GALNT18: variants seen among roughly 807,000 people sequenced by gnomAD.
GALNT18 encodes the protein polypeptide N-acetylgalactosaminyltransferase 18, also known as GalNAc-transferase 18.
Under a neutral mutation model 69.5 loss-of-function variants are expected in GALNT18, and 44 were observed. That is an observed-to-expected ratio of 0.63 (90% confidence interval 0.50 to 0.81). GALNT18 has a LOEUF of 0.81. GALNT18 is among the 40% of genes least tolerant of loss of function. GALNT18 has a pLI of 0.00. For synonymous variants in GALNT18, 364 were observed against 318.2 expected (o/e 1.14, Z -1.53); for missense variants, 715 against 810.0 (o/e 0.88, Z 1.42).
rs577707795 is a variant in GALNT18 at position 11,543,073 on chromosome 11, A to T, written c.235+78286T>A. 2.6e-5 allele frequency among the ~76,000 whole-genome samples: 4 copies of T among 152,276 alleles called. No individual in the cohort carries two copies. Among genetic ancestry groups the T allele is most frequent in the Non-Finnish European group, 4.4e-5 (3 of 68,030 alleles). On this transcript the variant is annotated intron_variant, in intron 1 of 10. Coordinates refer to ENST00000227756, the MANE Select transcript of GALNT18 (RefSeq NM_198516.3). This position sits in a 1 kb window ranked among gnomAD's most constrained non-coding sequence, Gnocchi z 5.1. ...ACCAGTGTGTCTAAAGTATTTGGGAAGGATCTGGTGCATGGAAAGTGCTTG... is the reference window on the plus strand; with the variant it reads ...ACCAGTGTGTCTAAAGTATTTGGGATGGATCTGGTGCATGGAAAGTGCTTG...
At position 11,621,725 on chromosome 11, in the gene GALNT18, C is replaced by T; in HGVS notation, c.-132G>A. On this transcript the variant is annotated 5_prime_UTR_variant, in exon 1 of 11. Coordinates refer to ENST00000227756, the MANE Select transcript of GALNT18 (RefSeq NM_198516.3). This position sits in a 1 kb window ranked among gnomAD's most constrained non-coding sequence, Gnocchi z 9.3. ...TCAGCACCTGAGTCCCGAGGTTCTC[C>T]AAAGCCCGGTCCGCTGCCGGTGTAG... 1 of 663,078 alleles carries T rather than the reference C, an allele frequency of 1.5e-6. No homozygotes were observed. The highest frequency in any genetic ancestry group is 2.6e-6 in the Non-Finnish European group (1 of 391,330). 41.1% of individuals were successfully genotyped at this position (663,078 alleles called of 1,614,324 possible).
At chr11:11,326,468 G>T (rs1461947393) in intron 9 of GALNT18, among the ~76,000 whole-genome samples, 1 of 152,174 alleles carries the variant, frequency 6.6e-6, no homozygotes, top group Non-Finnish European at 1.5e-5. Context: ...TTTGTTCAAC[G>T]AACCATTTAT....
chr11:11,305,793 T>G (rs535351537), intron 9 of GALNT18, among the ~76,000 whole-genome samples: 1 of 152,334 alleles, frequency 6.6e-6, no homozygotes, highest in South Asian at 2.1e-4. Flanking sequence ...ACCATGTTTG[T>G]CTTACCCACC....
At chr11:11,566,049 C>T (rs1413221712) in intron 1 of GALNT18, among the ~76,000 whole-genome samples, 1 of 152,124 alleles carries the variant, frequency 6.6e-6, no homozygotes. Flanking sequence ...ACATAGGAAA[C>T]CTGTTGTCAT....
chr11:11,525,897 G>A (rs1194547596), intron 1 of GALNT18, among the ~76,000 whole-genome samples: 2 of 152,132 alleles, frequency 1.3e-5, no homozygotes, highest in Non-Finnish European at 2.9e-5. Flanking sequence ...GTCTCCTAAA[G>A]TGCTGGGATT....
rs1332678104 is a variant in GALNT18, at chr11:11,314,517, C to T, written c.1512+12569G>A. On this transcript the variant is annotated intron_variant, in intron 9 of 10. Transcript: ENST00000227756. This position sits in a 1 kb window ranked among gnomAD's most constrained non-coding sequence, Gnocchi z 5.2. ...TTGGCTCCCTCCCTGTCTGCCTGCT[C>T]CCCTGACCCTGAGCTGATGTGTCCA... is the stretch of plus-strand genomic sequence containing the variant. Among the ~76,000 whole-genome samples the T allele has an allele frequency of 6.6e-6, 1 of 152,158 alleles. No homozygotes were observed. The highest frequency in any genetic ancestry group is 2.4e-5 in the African/African-American group (1 of 41,436).
chr11:11,413,275 C>A lies in GALNT18; in HGVS notation c.595+19346G>T, dbSNP rs1854772861. On this transcript the variant is annotated intron_variant, in intron 3 of 10. Transcript: ENST00000227756. The surrounding 1 kb of genome is among the most constrained non-coding windows in gnomAD (Gnocchi z 4.7). ...TGGCTGCTGTGCATGCCTGAGGACC[C>A]CGGTGGGAAGCTCTTCTGCACTGAG... Among the ~76,000 whole-genome samples, 1 of 152,136 alleles carries A rather than the reference C, an allele frequency of 6.6e-6. No homozygotes were observed. The highest frequency in any genetic ancestry group is 2.4e-5 in the African/African-American group (1 of 41,412).
intron 1 of GALNT18, among the ~76,000 whole-genome samples, chr11:11,559,491 C>T (rs1858413431): frequency 6.6e-6 from 1 of 152,160 alleles, no homozygotes; most frequent in Non-Finnish European, 1.5e-5. Flanking sequence ...TCTACAATCT[C>T]ATGAGTGTTT....
rs1396368535 is a variant in GALNT18, at chr11:11,617,314, G to A, written c.235+4045C>T. Among the ~76,000 whole-genome samples the A allele has an allele frequency of 6.6e-6, 1 of 152,170 alleles. No homozygotes were observed. Among genetic ancestry groups the A allele is most frequent in the Non-Finnish European group, 1.5e-5 (1 of 68,038 alleles). ...GACTAAAAGGGATTCTTTGTCCTTTGAAAACAAGTCCGCTATGACAAGGAC... is the reference window on the plus strand; with the variant it reads ...GACTAAAAGGGATTCTTTGTCCTTTAAAAACAAGTCCGCTATGACAAGGAC... On this transcript the variant is annotated intron_variant, in intron 1 of 10. Coordinates refer to ENST00000227756, the MANE Select transcript of GALNT18 (RefSeq NM_198516.3). The surrounding 1 kb of genome is among the most constrained non-coding windows in gnomAD (Gnocchi z 4.7).
rs375716951 is a variant in GALNT18, at chr11:11,299,195, G to A, written c.1513-6002C>T. Among the ~76,000 whole-genome samples, 6 of 152,058 alleles carry A rather than the reference G, an allele frequency of 3.9e-5. No homozygotes were observed. In the East Asian group the frequency reaches 9.7e-4, roughly 25 times the overall value. ...AGTCTCACTCTGTCGCTCAGTCTGG[G>A]GTGCAGTGGCATGATCTCAGCTCAC... is the stretch of plus-strand genomic sequence containing the variant. On this transcript the variant is annotated intron_variant, in intron 9 of 10. Coordinates refer to ENST00000227756, the MANE Select transcript of GALNT18 (RefSeq NM_198516.3).
At chr11:11,565,495 G>A (rs1858625163) in intron 1 of GALNT18, among the ~76,000 whole-genome samples, 1 of 152,146 alleles carries the variant, frequency 6.6e-6, no homozygotes, top group Non-Finnish European at 1.5e-5. Context: ...GAGGGTAAGT[G>A]CCCCAAATGC....
intron 1 of GALNT18, among the ~76,000 whole-genome samples, chr11:11,506,057 G>A (rs1047898985): frequency 6.6e-6 from 1 of 152,188 alleles, no homozygotes; most frequent in Non-Finnish European, 1.5e-5. Flanking sequence ...GAACCATCTG[G>A]CTGCTTTAGT....
chr11:11,562,866 T>C lies in GALNT18; in HGVS notation c.235+58493A>G, dbSNP rs1590102260. Among the ~76,000 whole-genome samples the C allele has an allele frequency of 6.6e-6, 1 of 152,100 alleles. No individual in the cohort carries two copies. Among genetic ancestry groups the C allele is most frequent in the African/African-American group, 2.4e-5 (1 of 41,398 alleles). Reference sequence around the variant, plus strand: ...AAAAAGACTTGAACTGGGGTCTGCCTAGCTCGAGGCCTGGGCTTTCCCTTC... The same window carrying C: ...AAAAAGACTTGAACTGGGGTCTGCCCAGCTCGAGGCCTGGGCTTTCCCTTC... On this transcript the variant is annotated intron_variant, in intron 1 of 10. Transcript: ENST00000227756. The surrounding 1 kb of genome is among the most constrained non-coding windows in gnomAD (Gnocchi z 4.1).
chr11:11,270,954 A>AGG lies in GALNT18; in HGVS notation c.*189_*190insCC, dbSNP rs1333019433. 6 of 494,570 alleles carry AGG rather than the reference A, an allele frequency of 1.2e-5. No homozygotes were observed. The highest frequency in any genetic ancestry group is 1.8e-5 in the Non-Finnish European group (5 of 277,934). 30.6% of individuals were successfully genotyped at this position (494,570 alleles called of 1,614,324 possible). ...ATTTACAACTGCAAAATAGTTTGAT[A>AGG]TCATACCATCACCTACCAATCAGCA... On this transcript the variant is annotated 3_prime_UTR_variant, in exon 11 of 11. Coordinates refer to ENST00000227756, the MANE Select transcript of GALNT18 (RefSeq NM_198516.3).
rs1193154769 is a variant in GALNT18, at chr11:11,616,978, C to CA, written c.235+4380dup. On this transcript the variant is annotated intron_variant, in intron 1 of 10. Coordinates refer to ENST00000227756, the MANE Select transcript of GALNT18 (RefSeq NM_198516.3). This position sits in a 1 kb window ranked among gnomAD's most constrained non-coding sequence, Gnocchi z 4.4. ...AGCAAAATCATTGCAAAAGATCAGA[C>CA]AAAAATCGTAACAATTTAGGCTACT... Among the ~76,000 whole-genome samples, 1 of 152,136 alleles carries CA rather than the reference C, an allele frequency of 6.6e-6. No individual in the cohort carries two copies. Among genetic ancestry groups the CA allele is most frequent in the East Asian group, 1.9e-4 (1 of 5,200 alleles).
intron 9 of GALNT18, among the ~76,000 whole-genome samples, chr11:11,304,547 C>A (rs898089326): frequency 1.3e-5 from 2 of 152,190 alleles, no homozygotes; most frequent in Non-Finnish European, 2.9e-5. Context: ...CTGAGGAATA[C>A]TTCCCCTGAC....
rs1857952221 is a variant in GALNT18 at position 11,542,543 on chromosome 11, T to C, written c.235+78816A>G. 6.6e-6 allele frequency among the ~76,000 whole-genome samples: 1 copy of C among 152,226 alleles called. No individual in the cohort carries two copies. The highest frequency in any genetic ancestry group is 6.5e-5 in the Admixed American group (1 of 15,282). Reference sequence around the variant, plus strand: ...AAGAATAATTCCTACCATGTCCTTGTTCCGGAAAACAGTCATGCCAAGCTC... The same window carrying C: ...AAGAATAATTCCTACCATGTCCTTGCTCCGGAAAACAGTCATGCCAAGCTC... On this transcript the variant is annotated intron_variant, in intron 1 of 10. Transcript: ENST00000227756. The surrounding 1 kb of genome is among the most constrained non-coding windows in gnomAD (Gnocchi z 4.3).
At chr11:11,391,168 A>G (rs1854182984) in intron 3 of GALNT18, among the ~76,000 whole-genome samples, 1 of 152,222 alleles carries the variant, frequency 6.6e-6, no homozygotes, top group Non-Finnish European at 1.5e-5. Flanking sequence ...CTGCTCTTCA[A>G]GGGCCACTTA....
intron 1 of GALNT18, among the ~76,000 whole-genome samples, chr11:11,585,336 A>G (rs1394401707): frequency 2.6e-5 from 4 of 151,564 alleles, no homozygotes; most frequent in Non-Finnish European, 5.9e-5. Context: ...CCATCTACAT[A>G]TATCTGTGAA....
Sources: allele counts gnomAD v4.1 joint callset (sites outside exome capture counted in the v4.1 genomes callset), GRCh38; gene constraint gnomAD v4.1.1; non-coding constraint Gnocchi (gnomAD v3.1); transcripts MANE v1.5; gene names NCBI Gene and HGNC (gene_info 2026-07-23, HGNC 2026-07-21).